PHKA2: variants seen among roughly 807,000 people sequenced by gnomAD.
The protein encoded by PHKA2 is phosphorylase kinase regulatory subunit alpha 2, also known as phosphorylase b kinase regulatory subunit alpha, liver isoform.
A neutral mutation model predicts 102.0 loss-of-function variants in PHKA2; 31 were observed. The observed-to-expected ratio is 0.30, with a 90% CI of 0.23 to 0.41. PHKA2 has a LOEUF of 0.41. PHKA2 is among the 10% of genes least tolerant of loss of function. The probability of loss-of-function intolerance (pLI) is 1.00; values close to 1 mark genes in which losing one functional copy is unlikely to be tolerated. For missense variants in PHKA2, 858 were observed against 1,023.1 expected, an observed-to-expected ratio of 0.84 and a Z score of 2.20; for synonymous variants, 455 against 416.2, an observed-to-expected ratio of 1.09 and a Z score of -1.13.
In PHKA2 at chrX:18,894,197, C is replaced by A. The variant is rs761599933; in HGVS notation, c.3537+7G>T. ...TGCCAGCCAACCCAGCTCCCTGGCA[C>A]CCCCACCTGGTCCTGCAAGAACAGC... is the stretch of plus-strand genomic sequence containing the variant. On this transcript the variant is annotated splice_region_variant and intron_variant, in intron 32 of 32. Coordinates refer to ENST00000379942, the MANE Select transcript of PHKA2 (RefSeq NM_000292.3). 2 of 1,205,691 alleles carry A rather than the reference C, an allele frequency of 1.7e-6. No homozygotes were observed. Among genetic ancestry groups the A allele is most frequent in the African/African-American group, 3.5e-5 (2 of 57,249 alleles).
intron 30 of PHKA2, 60 bp from the exon 31 acceptor site, chrX:18,895,251 C>T (rs2047519224): frequency 3.8e-6 from 4 of 1,040,333 alleles, no homozygotes; most frequent in Non-Finnish European, 5.4e-6. Context: ...CACATGCATG[C>T]ACACACAGGC....
intron 10 of PHKA2, among the ~76,000 whole-genome samples, chrX:18,936,673 A>G (rs1350710110): frequency 8.9e-6 from 1 of 112,449 alleles, no homozygotes; most frequent in African/African-American, 3.2e-5. Flanking sequence ...AGCCATAAAA[A>G]AAGAATAACA....
At chrX:18,957,193 C>T (rs565711893) in intron 1 of PHKA2, among the ~76,000 whole-genome samples, 6 of 112,703 alleles carry the variant, frequency 5.3e-5, no homozygotes, top group East Asian at 5.6e-4. Context: ...CAAGAGCCAC[C>T]GCACCCAGCC....
At chrX:18,975,967 CTTTTTTTTTTTTTTTTT>C (rs200764030) in intron 1 of PHKA2, among the ~76,000 whole-genome samples, 3 of 63,021 alleles carry the variant, frequency 4.8e-5, no homozygotes, top group African/African-American at 2.1e-4. Context: ...AAGTCAAATT[CTTTTTTTTTTTTTTTTT>C]TTTTTTTTGA....
chrX:18,894,001 T>C (rs1314444491), intron 32 of PHKA2: 14 of 473,225 alleles, frequency 3.0e-5, no homozygotes, highest in East Asian at 7.3e-5. Context: ...AAAACCTGCA[T>C]TGAGACAGGC....
rs927752864 is a variant in PHKA2 at position 18,979,249 on chromosome X, C to T, written c.78+4606G>A. On this transcript the variant is annotated intron_variant, in intron 1 of 32. Coordinates refer to ENST00000379942, the MANE Select transcript of PHKA2 (RefSeq NM_000292.3). The stretch of plus-strand genomic sequence containing the variant: ...TAATTATATCTTTTTTAACTCTCTC[C>T]CAAATTCCTCTTTATTATTGTTACT... Among the ~76,000 whole-genome samples, 6 of 112,246 alleles carry T rather than the reference C, an allele frequency of 5.3e-5. No individual in the cohort carries two copies. The East Asian group carries it at 1.4e-3, about 26-fold the overall frequency.
At chrX:18,939,276 A>G in intron 9 of PHKA2, among the ~76,000 whole-genome samples, 1 of 110,374 alleles carries the variant, frequency 9.1e-6, no homozygotes, top group Admixed American at 9.6e-5. Flanking sequence ...CCTGGGCTCA[A>G]GTGATCCTAC....
intron 1 of PHKA2, among the ~76,000 whole-genome samples, chrX:18,977,918 T>C (rs759048200): frequency 8.9e-6 from 1 of 112,069 alleles, no homozygotes; most frequent in Non-Finnish European, 1.9e-5. Context: ...TCCCAACACT[T>C]TGGGAGGCCG....
intron 11 of PHKA2, among the ~76,000 whole-genome samples, chrX:18,931,996 C>T (rs1241708688): frequency 8.9e-6 from 1 of 112,288 alleles, no homozygotes; most frequent in Non-Finnish European, 1.9e-5. Context: ...CGCAAGGCCA[C>T]GAGCACCGGA....
At position 18,939,977 on chromosome X, in the gene PHKA2, A is replaced by G. The variant is rs754403633; in HGVS notation, c.918+18T>C. ...TGAAACAGTTGAGGAAAGATAAGAA[A>G]CAATATTTAAATACAACCTCTCTTG... On this transcript the variant is annotated intron_variant, in intron 9 of 32. Coordinates refer to ENST00000379942, the MANE Select transcript of PHKA2 (RefSeq NM_000292.3). 3 of 1,099,999 alleles carry G rather than the reference A, an allele frequency of 2.7e-6. No individual in the cohort carries two copies. The highest frequency in any genetic ancestry group is 1.8e-5 in the South Asian group (1 of 54,527). The allele number at this position is 1,099,999 out of a possible 1,213,427, so 90.7% of individuals were successfully genotyped here.
At chrX:18,906,851 G>GT in intron 23 of PHKA2, 37 bp from the exon 24 acceptor site, 1 of 1,130,365 alleles carries the variant, frequency 8.8e-7, no homozygotes. Context: ...GTGATGAGGT[G>GT]TCTTGAGACA....
intron 7 of PHKA2, among the ~76,000 whole-genome samples, chrX:18,943,243 C>T (rs2048522105): frequency 8.9e-6 from 1 of 111,781 alleles, no homozygotes; most frequent in African/African-American, 3.3e-5. Context: ...CTGTATTTCA[C>T]AGAGGTTGTA....
intron 1 of PHKA2, among the ~76,000 whole-genome samples, chrX:18,969,704 T>A (rs1298578074): frequency 1.8e-5 from 2 of 111,469 alleles, no homozygotes; most frequent in African/African-American, 6.5e-5. Flanking sequence ...CTCACAGAGA[T>A]CCTGAAAGGG....
intron 9 of PHKA2, 116 bp downstream of exon 9, chrX:18,939,879 T>C: frequency 1.6e-6 from 1 of 618,245 alleles, no homozygotes; most frequent in South Asian, 2.3e-5. Flanking sequence ...CCAAAATTAA[T>C]ACTTCCCTTT....
At chrX:18,896,947 C>T (rs768336767) in intron 30 of PHKA2, among the ~76,000 whole-genome samples, 3 of 111,748 alleles carry the variant, frequency 2.7e-5, no homozygotes, top group African/African-American at 9.8e-5. Context: ...GAAGAGATGG[C>T]TGCTGGCATC....
At chrX:18,924,029 A>T (rs377554072) in intron 17 of PHKA2, 27 bp downstream of exon 17, 2 of 1,052,747 alleles carry the variant, frequency 1.9e-6, no homozygotes, top group African/African-American at 3.7e-5. Context: ...TGCTACTCTT[A>T]TATTTTTTAA....
At chrX:18,915,059 G>T (rs929254735) in intron 19 of PHKA2, among the ~76,000 whole-genome samples, 18 of 112,162 alleles carry the variant, frequency 1.6e-4, no homozygotes, top group African/African-American at 5.8e-4. Flanking sequence ...ATAACAAATT[G>T]CCAGGTATGG....
At chrX:18,944,725 AC>A (rs1230576180) in intron 6 of PHKA2, among the ~76,000 whole-genome samples, 1 of 111,888 alleles carries the variant, frequency 8.9e-6, no homozygotes, top group African/African-American at 3.2e-5. Flanking sequence ...TGTGAGTCCA[AC>A]CTACAAAGTG....
chrX:18,967,037 T>G (rs1260627338), intron 1 of PHKA2, among the ~76,000 whole-genome samples: 1 of 110,426 alleles, frequency 9.1e-6, no homozygotes, highest in African/African-American at 3.3e-5. Flanking sequence ...GGTGATGGAT[T>G]GGATATAGGT....
Sources: allele counts gnomAD v4.1 joint callset (sites outside exome capture counted in the v4.1 genomes callset), GRCh38; gene constraint gnomAD v4.1.1; transcripts MANE v1.5; gene names NCBI Gene and HGNC (gene_info 2026-07-23, HGNC 2026-07-21).